The following TSC22D1 variants were observed in gnomAD, a reference collection of about 807,000 sequenced individuals.
The protein encoded by TSC22D1 is TSC22 domain family protein 1.
In TSC22D1, 9 loss-of-function variants were observed where a neutral mutation model predicts 74.2. That is an observed-to-expected ratio of 0.12 (90% CI 0.07 to 0.21). The LOEUF (loss-of-function observed/expected upper bound fraction) is 0.21, where lower values mean the gene tolerates loss of function less well. Among genes scored for constraint, TSC22D1 ranks in the 10% least tolerant of loss-of-function variants. The pLI is 1.00. For missense variants in TSC22D1, 1,427 were observed against 1,304.7 expected (o/e 1.09, Z -1.44); for synonymous variants, 586 against 492.5 (o/e 1.19, Z -2.51).
intron 1 of TSC22D1, among the ~76,000 whole-genome samples, chr13:44,486,029 C>T (rs755220826): frequency 7.3e-5 from 11 of 150,418 alleles, no homozygotes; most frequent in South Asian, 2.1e-4. Context: ...CCAGAAAAGG[C>T]GAAAAAGAAA....
In TSC22D1 at chr13:44,575,173, C is replaced by T; in HGVS notation, c.902G>A (p.Gly301Glu). 1 of 1,614,074 alleles carries T rather than the reference C, an allele frequency of 6.2e-7. No homozygotes were observed. The highest frequency in any genetic ancestry group is 2.2e-5 in the East Asian group (1 of 44,890). ...GCCAGTAACAGAATTTATACCTATTCCACCTGTAGTACTTGGAGCACGCAT... is the reference window on the plus strand; with the variant it reads ...GCCAGTAACAGAATTTATACCTATTTCACCTGTAGTACTTGGAGCACGCAT... Reference protein sequence around the residue: ...TNMRAPSTTGGIGINSVTGTS... With the variant: ...TNMRAPSTTGEIGINSVTGTS... The change falls in exon 1 of 3, where the codon GGA (glycine) becomes GAA (glutamate). Residue 301 changes from glycine to glutamate, a missense_variant. Gly to Glu is a moderately conservative substitution (Grantham distance 98, BLOSUM62 -2). Around this residue, in one of 3 missense-constraint regions of TSC22D1, gnomAD observed 1,343 missense variants for 1,191.5 expected, o/e 1.13. Coordinates refer to ENST00000458659, the MANE Select transcript of TSC22D1 (RefSeq NM_183422.4).
intron 1 of TSC22D1, among the ~76,000 whole-genome samples, chr13:44,556,380 TA>T: frequency 6.7e-6 from 1 of 148,546 alleles, no homozygotes; most frequent in Admixed American, 6.7e-5. Flanking sequence ...CCCCGTCTCT[TA>T]AAAAAAATAC....
At chr13:44,491,859 T>C (rs1015280123) in intron 1 of TSC22D1, among the ~76,000 whole-genome samples, 1 of 152,216 alleles carries the variant, frequency 6.6e-6, no homozygotes, top group Admixed American at 6.5e-5. Context: ...GGAACAATCA[T>C]TGTAGAAAAC....
At position 44,450,845 on chromosome 13, in the gene TSC22D1, G is replaced by A. The variant is rs972802477; in HGVS notation, c.2913-14750C>T. On this transcript the variant is annotated intron_variant, in intron 1 of 2. Transcript: ENST00000458659. ...AGGTTAGCAGTAAGTCTCCTTGGGA[G>A]TGGATGAGATTACCTCAGAAATCCA... Among the ~76,000 whole-genome samples the A allele has an allele frequency of 1.4e-4, 21 of 152,326 alleles. No homozygotes were observed. In the East Asian group the frequency reaches 2.3e-3, roughly 17 times the overall value.
intron 1 of TSC22D1, among the ~76,000 whole-genome samples, chr13:44,524,502 T>G (rs1880458852): frequency 6.6e-6 from 1 of 152,182 alleles, no homozygotes; most frequent in African/African-American, 2.4e-5. Context: ...AGATGGAAAC[T>G]CCTGGCAAAC....
chr13:44,553,662 G>A (rs1451351092), intron 1 of TSC22D1, among the ~76,000 whole-genome samples: 5 of 152,138 alleles, frequency 3.3e-5, no homozygotes, highest in South Asian at 2.1e-4. Context: ...ACATGACGCT[G>A]TATTTCTTCC....
intron 1 of TSC22D1, among the ~76,000 whole-genome samples, chr13:44,524,864 C>T (rs918177303): frequency 6.6e-5 from 10 of 152,178 alleles, no homozygotes; most frequent in African/African-American, 2.4e-4. Context: ...ACTCCAAAAG[C>T]CCCATCAGGT....
chr13:44,437,080 G>A (rs1273802210), intron 1 of TSC22D1: 3 of 974,118 alleles, frequency 3.1e-6, no homozygotes, highest in Non-Finnish European at 3.7e-6. Context: ...TGGGTTCGGA[G>A]GTTTCCACGG....
intron 1 of TSC22D1, among the ~76,000 whole-genome samples, chr13:44,488,931 T>G (rs1050850952): frequency 2.0e-5 from 3 of 152,168 alleles, no homozygotes; most frequent in Non-Finnish European, 2.9e-5. Flanking sequence ...AAGAGTTTTA[T>G]GAGGAACCAT....
intron 1 of TSC22D1, among the ~76,000 whole-genome samples, chr13:44,478,465 G>A (rs1013790849): frequency 5.3e-5 from 8 of 152,104 alleles, no homozygotes; most frequent in Non-Finnish European, 2.9e-5. Flanking sequence ...TTTTTTGTCA[G>A]GCTTGGAACC....
chr13:44,453,719 C>T (rs2138921262), intron 1 of TSC22D1, among the ~76,000 whole-genome samples: 1 of 152,322 alleles, frequency 6.6e-6, no homozygotes, highest in South Asian at 2.1e-4. Context: ...TAGTAAAAAA[C>T]TGACACCTGT....
chr13:44,456,284 T>G (rs960792073), intron 1 of TSC22D1, among the ~76,000 whole-genome samples: 2 of 152,212 alleles, frequency 1.3e-5, no homozygotes, highest in Non-Finnish European at 2.9e-5. Context: ...AGTAGCCAGC[T>G]TTTATTCCCT....
At chr13:44,569,488 CTG>C (rs1332194916) in intron 1 of TSC22D1, among the ~76,000 whole-genome samples, 1 of 151,996 alleles carries the variant, frequency 6.6e-6, no homozygotes, top group Non-Finnish European at 1.5e-5. Context: ...TATCTTTAAA[CTG>C]TGCATGTACA....
intron 1 of TSC22D1, among the ~76,000 whole-genome samples, chr13:44,550,228 TTA>T (rs1426141932): frequency 2.0e-5 from 3 of 152,142 alleles, no homozygotes; most frequent in African/African-American, 7.2e-5. Context: ...GGATCTTAGT[TTA>T]TGTCTTTGAA....
intron 1 of TSC22D1, among the ~76,000 whole-genome samples, chr13:44,546,642 G>C (rs1026052901): frequency 2.4e-4 from 36 of 152,094 alleles, no homozygotes; most frequent in African/African-American, 7.7e-4. Flanking sequence ...ATTCAAAAAT[G>C]CCTAGAGTAG....
chr13:44,571,883 T>C (rs1272335499), intron 1 of TSC22D1, among the ~76,000 whole-genome samples: 2 of 152,168 alleles, frequency 1.3e-5, no homozygotes, highest in African/African-American at 4.8e-5. Flanking sequence ...CATGTCTTTA[T>C]CTTACCTTTT....
chr13:44,569,241 A>G lies in TSC22D1; in HGVS notation c.2912+3922T>C, dbSNP rs567918692. 2.4e-3 allele frequency among the ~76,000 whole-genome samples: 358 copies of G among 152,338 alleles called. 2 individuals carry two copies. The highest frequency in any genetic ancestry group is 2.9e-3 in the Non-Finnish European group (199 of 68,028). Reference sequence around the variant, plus strand: ...GGATAAATAGCCCGATGTTACATAAAACTAGTAAATGACAAGAAAGATCAA... The same window carrying G: ...GGATAAATAGCCCGATGTTACATAAGACTAGTAAATGACAAGAAAGATCAA... On this transcript the variant is annotated intron_variant, in intron 1 of 2. Transcript: ENST00000458659.
intron 1 of TSC22D1, among the ~76,000 whole-genome samples, chr13:44,502,046 G>A (rs568500878): frequency 6.6e-6 from 1 of 152,190 alleles, no homozygotes; most frequent in South Asian, 2.1e-4. Flanking sequence ...CTCATTAGAA[G>A]TTTTTAAGGC....
intron 1 of TSC22D1, among the ~76,000 whole-genome samples, chr13:44,518,690 G>A (rs1026927339): frequency 3.3e-5 from 5 of 152,136 alleles, no homozygotes; most frequent in Non-Finnish European, 5.9e-5. Flanking sequence ...CAAATTACTG[G>A]TTTTTTATCT....
Sources: gnomAD v4.1 joint callset for allele counts (sites outside exome capture counted in the v4.1 genomes callset) on GRCh38, gnomAD v4.1.1 for gene constraint, gnomAD v4.1.1 regional missense constraint, MANE v1.5 for transcripts, NCBI Gene and HGNC (gene_info 2026-07-23, HGNC 2026-07-21) for gene names.